CSRP2: variants seen among roughly 807,000 people sequenced by gnomAD.
CSRP2 encodes cysteine and glycine rich protein 2.
CSRP2 carries 18 observed loss-of-function variants against 24.6 expected under a neutral mutation model. The ratio of observed to expected loss-of-function variants is 0.73; its 90% CI spans 0.51 to 1.09. CSRP2 has a LOEUF of 1.09. Among genes scored for constraint, CSRP2 ranks in the 50% least tolerant of loss-of-function variants. The probability of loss-of-function intolerance (pLI) is 0.00; values close to 1 mark genes in which losing one functional copy is unlikely to be tolerated. For missense variants in CSRP2, 215 were observed against 239.4 expected (o/e 0.90, Z 0.67); for synonymous variants, 87 against 84.3 (o/e 1.03, Z -0.18).
intron 1 of CSRP2, among the ~76,000 whole-genome samples, chr12:76,877,518 A>G (rs1953863640): frequency 6.6e-6 from 1 of 152,190 alleles, no homozygotes; most frequent in Non-Finnish European, 1.5e-5. Flanking sequence ...CTTTCAGTCA[A>G]TTGTCCAAGG....
chr12:76,862,969 C>A, intron 3 of CSRP2: 1 of 1,469,666 alleles, frequency 6.8e-7, no homozygotes, highest in South Asian at 1.4e-5. Flanking sequence ...GCTATAAAGC[C>A]AGAAGTAGAA....
At chr12:76,859,456 CTTTTT>C (rs529262700) in intron 5 of CSRP2, 86 bp downstream of exon 5, 11 of 668,164 alleles carry the variant, frequency 1.6e-5, no homozygotes, top group Admixed American at 6.6e-5. Context: ...GCATACTTTT[CTTTTT>C]TTTTTTTTAA....
intron 1 of CSRP2, among the ~76,000 whole-genome samples, chr12:76,872,277 G>A (rs1321318615): frequency 6.6e-5 from 10 of 152,140 alleles, no homozygotes; most frequent in Admixed American, 4.6e-4. Flanking sequence ...TCACCCATGC[G>A]GAAAAACTGA....
chr12:76,867,078 T>C (rs1039018612), intron 1 of CSRP2, among the ~76,000 whole-genome samples: 2 of 152,188 alleles, frequency 1.3e-5, no homozygotes, highest in Non-Finnish European at 2.9e-5. Flanking sequence ...CTGAATAGTA[T>C]GGCCTGCTGT....
intron 1 of CSRP2, among the ~76,000 whole-genome samples, chr12:76,877,510 TTC>T (rs1953863594): frequency 6.6e-6 from 1 of 152,228 alleles, no homozygotes; most frequent in Non-Finnish European, 1.5e-5. Context: ...CGCTCCTTCT[TTC>T]AGTCAATTGT....
chr12:76,868,708 G>A (rs1321040168), intron 1 of CSRP2, among the ~76,000 whole-genome samples: 5 of 152,198 alleles, frequency 3.3e-5, no homozygotes, highest in African/African-American at 1.2e-4. Flanking sequence ...CACTTTGGGA[G>A]GCCGAGGCAG....
chr12:76,870,974 T>TAAAA (rs1432869853), intron 1 of CSRP2, among the ~76,000 whole-genome samples: 1 of 16,074 alleles, frequency 6.2e-5, no homozygotes, highest in African/African-American at 2.5e-4. Flanking sequence ...TGACCCTGTC[T>TAAAA]CAAAAAAAAA....
intron 4 of CSRP2, 65 bp from the exon 5 acceptor site, chr12:76,859,705 T>C: frequency 1.7e-6 from 2 of 1,156,998 alleles, no homozygotes; most frequent in South Asian, 1.4e-5. Context: ...TTTAGATGTA[T>C]GGCAAGAAGT....
chr12:76,861,778 T>A (rs1953683117), intron 3 of CSRP2: 1 of 152,152 alleles, frequency 6.6e-6, no homozygotes, highest in Admixed American at 6.6e-5. Flanking sequence ...GACCCGACTC[T>A]TAGTGTCGTC....
intron 3 of CSRP2, 93 bp downstream of exon 3, chr12:76,863,083 C>G: frequency 6.7e-7 from 1 of 1,498,384 alleles, no homozygotes. Context: ...TTAGTTTCAA[C>G]TAAAAATCTG....
intron 1 of CSRP2, among the ~76,000 whole-genome samples, chr12:76,876,458 A>C (rs565883116): frequency 6.6e-6 from 1 of 152,344 alleles, no homozygotes; most frequent in Admixed American, 6.5e-5. Context: ...ACTGAGAAAT[A>C]TTCCCTTAAT....
chr12:76,878,780 C>T (rs974131867), intron 1 of CSRP2, among the ~76,000 whole-genome samples, 158 bp downstream of exon 1: 1 of 152,198 alleles, frequency 6.6e-6, no homozygotes. Context: ...GATGAGAAGG[C>T]TGGCAGGGGC....
intron 1 of CSRP2, among the ~76,000 whole-genome samples, chr12:76,866,818 A>C (rs1953740532): frequency 6.6e-6 from 1 of 152,210 alleles, no homozygotes; most frequent in African/African-American, 2.4e-5. Context: ...TGCTGAAATT[A>C]CACGATTGTA....
At chr12:76,863,514 C>T in intron 2 of CSRP2, 170 bp from the exon 3 acceptor site, 1 of 565,446 alleles carries the variant, frequency 1.8e-6, no homozygotes, top group Non-Finnish European at 3.0e-6. Flanking sequence ...GACTGGCCAG[C>T]TACATTCGAG....
chr12:76,865,949 A>C (rs11834367), intron 2 of CSRP2, 200 bp downstream of exon 2: 14 of 577,280 alleles, frequency 2.4e-5, no homozygotes, highest in African/African-American at 2.1e-4. Context: ...GGGGACACAA[A>C]GGGAGGCTGG....
At chr12:76,870,498 A>C (rs1953785690) in intron 1 of CSRP2, among the ~76,000 whole-genome samples, 1 of 152,222 alleles carries the variant, frequency 6.6e-6, no homozygotes, top group Non-Finnish European at 1.5e-5. Context: ...CTTACTGTGC[A>C]ATAAGTTTCT....
chr12:76,863,442 T>C, intron 2 of CSRP2, 98 bp from the exon 3 acceptor site: 1 of 1,233,418 alleles, frequency 8.1e-7, no homozygotes, highest in Non-Finnish European at 1.1e-6. Flanking sequence ...TGGTGAAGGC[T>C]GAGGCTCCCT....
intron 1 of CSRP2, among the ~76,000 whole-genome samples, chr12:76,878,027 G>A (rs1239820777): frequency 7.9e-6 from 1 of 125,826 alleles, no homozygotes; most frequent in Non-Finnish European, 1.5e-5. Context: ...AATGTGCTTG[G>A]TTTGCAGACT....
rs758112327 is a variant in CSRP2 at position 76,866,232 on chromosome 12, C to A, written c.29G>T (p.Cys10Phe). ...GTACACGGTCCTCCCACAGGCCCCA[C>A]ACTTGTTTCCACCTCCCCAGACAGG... is the stretch of plus-strand genomic sequence containing the variant. MPVWGGGNKCGACGRTVYHA... is the reference protein window; with the variant it reads MPVWGGGNKFGACGRTVYHA... Residue 10 changes from cysteine to phenylalanine, a missense_variant, in exon 2 of 6, where the codon TGT becomes TTT. By Grantham distance (205) the Cys-to-Phe change is radical. Coordinates refer to ENST00000311083, the MANE Select transcript of CSRP2 (RefSeq NM_001321.3). 33 of 1,614,012 alleles carry A rather than the reference C, an allele frequency of 2.0e-5. No individual in the cohort carries two copies. In the African/African-American group the frequency reaches 4.3e-4, roughly 21 times the overall value.
Sources: gnomAD v4.1 joint callset for allele counts (sites outside exome capture counted in the v4.1 genomes callset) on GRCh38, gnomAD v4.1.1 for gene constraint, MANE v1.5 for transcripts, NCBI Gene and HGNC (gene_info 2026-07-23, HGNC 2026-07-21) for gene names.